PRKAR1A: variants seen among roughly 807,000 people sequenced by gnomAD.
PRKAR1A encodes protein kinase cAMP-dependent type I regulatory subunit alpha.
PRKAR1A carries 3 observed loss-of-function variants against 52.0 expected under a neutral mutation model. The observed-to-expected ratio is 0.06, with a 90% CI of 0.03 to 0.15. The LOEUF is 0.15. Among genes scored for constraint, PRKAR1A ranks in the 10% least tolerant of loss-of-function variants. The probability of loss-of-function intolerance (pLI) is 1.00; values close to 1 mark genes in which losing one functional copy is unlikely to be tolerated. For synonymous variants in PRKAR1A, 188 were observed against 168.4 expected (o/e 1.12, Z -0.90); for missense variants, 240 against 477.4 (o/e 0.50, Z 4.63).
At chr17:68,535,916 G>T, downstream of PRKAR1A, 1 of 454,066 alleles carries the variant, frequency 2.2e-6, no homozygotes, top group South Asian at 1.6e-5. Context: ...CCACTAAATT[G>T]TGTGATTTTG....
the PRKAR1A span, among the ~76,000 whole-genome samples, chr17:68,462,620 G>A: frequency 2.0e-5 from 3 of 152,174 alleles, no homozygotes; most frequent in East Asian, 3.9e-4. Flanking sequence ...GGAGACTGTC[G>A]AGTAAGTTGC....
chr17:68,498,195 G>A, the PRKAR1A span, among the ~76,000 whole-genome samples: 1 of 152,048 alleles, frequency 6.6e-6, no homozygotes, highest in African/African-American at 2.4e-5. Context: ...TCTCCGTAAC[G>A]ACCATGTAAA....
At chr17:68,476,960 G>A in the PRKAR1A span, among the ~76,000 whole-genome samples, 3 of 152,056 alleles carry the variant, frequency 2.0e-5, no homozygotes, top group South Asian at 4.2e-4. Flanking sequence ...GTGCTCGGCC[G>A]AGATTTCTAC....
the PRKAR1A span, among the ~76,000 whole-genome samples, chr17:68,470,369 C>T: frequency 3.9e-5 from 6 of 152,154 alleles, no homozygotes; most frequent in Non-Finnish European, 5.9e-5. Flanking sequence ...CATGAGCCAC[C>T]GTGCCCGGCC....
At chr17:68,525,973 G>A in intron 7 of PRKAR1A, 61 bp downstream of exon 7, 1 of 1,558,730 alleles carries the variant, frequency 6.4e-7, no homozygotes, top group Non-Finnish European at 8.8e-7. Context: ...ACTAATGTTT[G>A]AATATTACCA....
At chr17:68,543,343 G>A (rs941866908) in intron 11 of PRKAR1A, among the ~76,000 whole-genome samples, 2 of 152,102 alleles carry the variant, frequency 1.3e-5, no homozygotes, top group African/African-American at 4.8e-5. Flanking sequence ...CATTCTCCTC[G>A]CTCTCAGATC....
intron 8 of PRKAR1A, chr17:68,528,622 T>G: frequency 1.9e-6 from 1 of 521,238 alleles, no homozygotes; most frequent in Non-Finnish European, 3.4e-6. Flanking sequence ...CCCTTGCCAT[T>G]TGGTACAGTT....
the PRKAR1A span, among the ~76,000 whole-genome samples, chr17:68,491,294 G>A: frequency 6.6e-6 from 1 of 152,044 alleles, no homozygotes; most frequent in Non-Finnish European, 1.5e-5. Context: ...ATTTCACCAA[G>A]TTGGCCAGGC....
At chr17:68,428,047 A>G in the PRKAR1A span, among the ~76,000 whole-genome samples, 445 of 151,282 alleles carry the variant, frequency 2.9e-3, 16 homozygotes, top group East Asian at 0.063. Context: ...ATGTACCACC[A>G]TGCCTGGCTA....
chr17:68,431,715 G>C, the PRKAR1A span, among the ~76,000 whole-genome samples: 1 of 8,258 alleles, frequency 1.2e-4, no homozygotes. Context: ...GCGAAGCAGG[G>C]CTGAAGAGGC....
chr17:68,427,343 T>TA, the PRKAR1A span: 1 of 962,664 alleles, frequency 1.0e-6, no homozygotes, highest in Non-Finnish European at 1.6e-6. Flanking sequence ...AAGAAGCCTG[T>TA]GCTCAGCTCT....
At chr17:68,454,770 A>G in the PRKAR1A span, among the ~76,000 whole-genome samples, 2 of 152,258 alleles carry the variant, frequency 1.3e-5, no homozygotes, top group Non-Finnish European at 2.9e-5. Flanking sequence ...CAAGTAAGGA[A>G]AGAAATACTG....
chr17:68,446,637 A>C, the PRKAR1A span, among the ~76,000 whole-genome samples: 1 of 152,250 alleles, frequency 6.6e-6, no homozygotes, highest in African/African-American at 2.4e-5. Context: ...TTGCCAGCAC[A>C]TGCCGTGGTT....
chr17:68,538,982 G>A (rs11657811), intron 11 of PRKAR1A, among the ~76,000 whole-genome samples: 34,272 of 152,124 alleles, frequency 0.23, 3,916 homozygotes, highest in South Asian at 0.26. Context: ...CACAAACCTA[G>A]ATGGTGTAGC....
the PRKAR1A span, among the ~76,000 whole-genome samples, chr17:68,480,688 C>G: frequency 6.6e-6 from 1 of 152,300 alleles, no homozygotes; most frequent in South Asian, 2.1e-4. Flanking sequence ...GCTGGGACTA[C>G]AGGCATGTGC....
In PRKAR1A at chr17:68,528,862, T is replaced by G. The variant is rs182841147; in HGVS notation, c.770-8T>G. 2 of 1,613,800 alleles carry G rather than the reference T, an allele frequency of 1.2e-6. No homozygotes were observed. The highest frequency in any genetic ancestry group is 1.7e-6 in the Non-Finnish European group (2 of 1,179,694). On this transcript the variant is annotated splice_region_variant and splice_polypyrimidine_tract_variant and intron_variant, in intron 8 of 10. Transcript: ENST00000589228. ...TACAGAGCAGTTATTTTGATTCTTGTCTTTCAGAGTCTCTGGACAAGTGGG... is the reference window on the plus strand; with the variant it reads ...TACAGAGCAGTTATTTTGATTCTTGGCTTTCAGAGTCTCTGGACAAGTGGG...
chr17:68,452,393 C>T, the PRKAR1A span, among the ~76,000 whole-genome samples: 1 of 152,088 alleles, frequency 6.6e-6, no homozygotes, highest in Non-Finnish European at 1.5e-5. Context: ...GGTGAAACCC[C>T]GTCTCTACTA....
At chr17:68,450,430 G>A in the PRKAR1A span, among the ~76,000 whole-genome samples, 2 of 152,182 alleles carry the variant, frequency 1.3e-5, no homozygotes. Context: ...GACTGTCCAA[G>A]CCAGAGCTCT....
chr17:68,441,944 AAGG>A, the PRKAR1A span, among the ~76,000 whole-genome samples: 2 of 152,166 alleles, frequency 1.3e-5, no homozygotes, highest in African/African-American at 4.8e-5. Context: ...ATCCTTTCAT[AAGG>A]AGGCATTCTT....
Sources: allele counts gnomAD v4.1 joint callset (sites outside exome capture counted in the v4.1 genomes callset), GRCh38; gene constraint gnomAD v4.1.1; transcripts MANE v1.5; gene names NCBI Gene and HGNC (gene_info 2026-07-23, HGNC 2026-07-21).